The following RPS6KC1 variants were observed in gnomAD, a reference collection of about 807,000 sequenced individuals.
RPS6KC1 encodes inactive ribosomal protein S6 kinase delta-1.
A neutral mutation model predicts 103.8 loss-of-function variants in RPS6KC1; 54 were observed. That is an observed-to-expected ratio of 0.52 (90% confidence interval 0.42 to 0.65). The LOEUF (loss-of-function observed/expected upper bound fraction) is 0.65. Ranked by LOEUF, RPS6KC1 falls within the 30% of genes least tolerant of loss-of-function variation. The pLI, the probability that RPS6KC1 is intolerant of heterozygous loss-of-function variation, is 0.00. For synonymous variants in RPS6KC1, 439 were observed against 438.7 expected, an observed-to-expected ratio of 1.00 and a Z score of -0.01; for missense variants, 1,151 against 1,253.8, an observed-to-expected ratio of 0.92 and a Z score of 1.24.
At chr1:213,696,494 C>A in the RPS6KC1 span, among the ~76,000 whole-genome samples, 2 of 115,964 alleles carry the variant, frequency 1.7e-5, no homozygotes, top group African/African-American at 8.7e-5. Flanking sequence ...GAGAGTGAAA[C>A]TCCGTCTCAA....
At chr1:213,862,247 G>A in the RPS6KC1 span, among the ~76,000 whole-genome samples, 3 of 152,172 alleles carry the variant, frequency 2.0e-5, no homozygotes, top group Non-Finnish European at 4.4e-5. Flanking sequence ...AGGATCGTGC[G>A]GCTCTCCTTT....
At chr1:213,622,630 G>C in the RPS6KC1 span, among the ~76,000 whole-genome samples, 2 of 152,062 alleles carry the variant, frequency 1.3e-5, no homozygotes, top group Non-Finnish European at 2.9e-5. Context: ...CGGCACCCCT[G>C]CAGTCGGCTG....
At chr1:213,743,137 C>T in the RPS6KC1 span, among the ~76,000 whole-genome samples, 33 of 152,246 alleles carry the variant, frequency 2.2e-4, no homozygotes, top group African/African-American at 6.7e-4. Context: ...GAATCAGCCT[C>T]GGTGTCCATC....
the RPS6KC1 span, among the ~76,000 whole-genome samples, chr1:213,513,353 A>G: frequency 6.6e-6 from 1 of 152,208 alleles, no homozygotes; most frequent in African/African-American, 2.4e-5. Context: ...GATAATAAAT[A>G]TGTGTTGTTT....
the RPS6KC1 span, among the ~76,000 whole-genome samples, chr1:213,605,592 C>T: frequency 6.6e-6 from 1 of 152,176 alleles, no homozygotes; most frequent in Non-Finnish European, 1.5e-5. Flanking sequence ...TATCTGTTTA[C>T]ATGTCTCTTT....
At chr1:213,532,564 C>T in the RPS6KC1 span, among the ~76,000 whole-genome samples, 5 of 152,306 alleles carry the variant, frequency 3.3e-5, no homozygotes, top group East Asian at 7.7e-4. Flanking sequence ...AACCGTCTTC[C>T]TCCCCGTTCT....
the RPS6KC1 span, among the ~76,000 whole-genome samples, chr1:213,769,712 G>A: frequency 6.6e-6 from 1 of 151,998 alleles, no homozygotes; most frequent in African/African-American, 2.4e-5. Context: ...AACCAATCAA[G>A]AAAAGGAGGA....
chr1:213,136,464 C>CAA (rs139275005), intron 6 of RPS6KC1, among the ~76,000 whole-genome samples: 1 of 145,826 alleles, frequency 6.9e-6, no homozygotes, highest in African/African-American at 2.5e-5. Flanking sequence ...TAGGCAGAAA[C>CAA]AAAAAAAAAA....
At chr1:213,296,826 A>G in the RPS6KC1 span, among the ~76,000 whole-genome samples, 1 of 152,228 alleles carries the variant, frequency 6.6e-6, no homozygotes, top group African/African-American at 2.4e-5. Context: ...ACTAAGGTCA[A>G]GTGAGGGTCA....
At chr1:213,711,903 CA>C in the RPS6KC1 span, among the ~76,000 whole-genome samples, 1 of 152,220 alleles carries the variant, frequency 6.6e-6, no homozygotes, top group Non-Finnish European at 1.5e-5. Flanking sequence ...CCCCGAAGGG[CA>C]CCCCTCAGAT....
chr1:213,191,908 G>A (rs901654760), intron 8 of RPS6KC1, among the ~76,000 whole-genome samples: 1 of 151,730 alleles, frequency 6.6e-6, no homozygotes, highest in Non-Finnish European at 1.5e-5. Context: ...TCCCATGTTC[G>A]AGCGATTCTC....
the RPS6KC1 span, among the ~76,000 whole-genome samples, chr1:213,443,292 T>A: frequency 6.6e-6 from 1 of 152,194 alleles, no homozygotes; most frequent in African/African-American, 2.4e-5. Flanking sequence ...AAAATTGTCA[T>A]ATCACTTGAA....
chr1:213,689,121 G>A, the RPS6KC1 span, among the ~76,000 whole-genome samples: 1 of 152,154 alleles, frequency 6.6e-6, no homozygotes. Flanking sequence ...CTGGGTTCCT[G>A]AAAGCAGTCA....
chr1:213,780,274 G>A, the RPS6KC1 span, among the ~76,000 whole-genome samples: 4 of 152,160 alleles, frequency 2.6e-5, no homozygotes, highest in Non-Finnish European at 5.9e-5. Flanking sequence ...CAAGTTCACG[G>A]GTGAACAAGT....
the RPS6KC1 span, among the ~76,000 whole-genome samples, chr1:213,690,867 G>A: frequency 6.6e-6 from 1 of 152,138 alleles, no homozygotes; most frequent in Admixed American, 6.5e-5. Context: ...CACTGAAGGA[G>A]CTATAAAAGG....
At chr1:213,613,107 G>C in the RPS6KC1 span, among the ~76,000 whole-genome samples, 1 of 152,232 alleles carries the variant, frequency 6.6e-6, no homozygotes, top group South Asian at 2.1e-4. Context: ...GCATTTGCTG[G>C]GTAGAATTCA....
At chr1:213,278,163 C>A (rs553767072), downstream of RPS6KC1, among the ~76,000 whole-genome samples, 82 of 151,622 alleles carry the variant, frequency 5.4e-4, no homozygotes, top group East Asian at 3.5e-3. Context: ...CACGATCACA[C>A]CACTGTACTC....
the RPS6KC1 span, among the ~76,000 whole-genome samples, chr1:213,777,406 G>C: frequency 6.6e-6 from 1 of 152,158 alleles, no homozygotes; most frequent in African/African-American, 2.4e-5. Context: ...CTAAGGAAGA[G>C]GAGAGAGATG....
the RPS6KC1 span, among the ~76,000 whole-genome samples, chr1:213,520,143 A>G: frequency 6.6e-6 from 1 of 152,154 alleles, no homozygotes; most frequent in Non-Finnish European, 1.5e-5. Context: ...GCCTCTGTGT[A>G]TTAGTCCATT....
Sources: allele counts gnomAD v4.1 joint callset (sites outside exome capture counted in the v4.1 genomes callset), GRCh38; gene constraint gnomAD v4.1.1; transcripts MANE v1.5; gene names NCBI Gene and HGNC (gene_info 2026-07-23, HGNC 2026-07-21).